RGSL1: variants seen among roughly 807,000 people sequenced by gnomAD.
RGSL1 encodes regulator of G protein signaling protein-like.
A neutral mutation model predicts 124.7 loss-of-function variants in RGSL1; 97 were observed. The observed-to-expected ratio is 0.78, with a 90% CI of 0.66 to 0.92. The LOEUF (loss-of-function observed/expected upper bound fraction) is 0.92. Ranked by LOEUF, RGSL1 falls within the 40% of genes least tolerant of loss-of-function variation. RGSL1 has a pLI of 0.00. For missense variants in RGSL1, 1,233 were observed against 1,288.4 expected, an observed-to-expected ratio of 0.96 and a Z score of 0.66; for synonymous variants, 424 against 438.1, an observed-to-expected ratio of 0.97 and a Z score of 0.40.
At chr1:182,454,586 ATGTGTG>A (rs68163917) in intron 2 of RGSL1, among the ~76,000 whole-genome samples, 11,136 of 144,244 alleles carry the variant, frequency 0.077, 690 homozygotes, top group East Asian at 0.25. Flanking sequence ...CTTGAGTTGT[ATGTGTG>A]TGTGTGTGTG....
intron 9 of RGSL1, among the ~76,000 whole-genome samples, chr1:182,516,875 G>C (rs553169084): frequency 1.3e-5 from 2 of 152,128 alleles, no homozygotes; most frequent in Non-Finnish European, 2.9e-5. Context: ...TGAGTGGGTT[G>C]AACACCATAA....
chr1:182,506,983 C>CTTTTT (rs71127304), intron 9 of RGSL1, among the ~76,000 whole-genome samples: 63 of 99,390 alleles, frequency 6.3e-4, no homozygotes, highest in Middle Eastern at 6.8e-3. Flanking sequence ...GCTCACCTTT[C>CTTTTT]TTTTTTTTTT....
intron 4 of RGSL1, among the ~76,000 whole-genome samples, chr1:182,465,275 T>C (rs1653200362): frequency 6.6e-6 from 1 of 152,114 alleles, no homozygotes; most frequent in Non-Finnish European, 1.5e-5. Context: ...AATGGAATAC[T>C]ATGCAGCCAT....
At chr1:182,451,143 CAAA>C (rs569488586) in intron 1 of RGSL1, among the ~76,000 whole-genome samples, 16 of 105,030 alleles carry the variant, frequency 1.5e-4, no homozygotes, top group Admixed American at 4.6e-4. Flanking sequence ...GAGACTTTGG[CAAA>C]AAAAAAAAAA....
intron 6 of RGSL1, among the ~76,000 whole-genome samples, chr1:182,475,770 G>C (rs952226196): frequency 6.6e-6 from 1 of 152,182 alleles, no homozygotes; most frequent in African/African-American, 2.4e-5. Flanking sequence ...GCGCATACAG[G>C]TTAATCTTCC....
chr1:182,549,183 G>C (rs1189317051), intron 17 of RGSL1: 4 of 196,530 alleles, frequency 2.0e-5, no homozygotes, highest in Non-Finnish European at 4.2e-5. Context: ...TAACACAACT[G>C]CTTGTGCTTA....
intron 9 of RGSL1, among the ~76,000 whole-genome samples, chr1:182,497,940 G>C (rs1053712949): frequency 6.6e-6 from 1 of 152,058 alleles, no homozygotes; most frequent in Non-Finnish European, 1.5e-5. Context: ...TCTCCAGGCT[G>C]TTTTTGAACT....
rs1220854024 is a variant in RGSL1 at position 182,548,841 on chromosome 1, A to C, written c.2933+17A>C. The C allele has an allele frequency of 8.4e-6, 13 of 1,551,070 alleles. No homozygotes were observed. Among genetic ancestry groups the C allele is most frequent in the Middle Eastern group, 1.7e-4 (1 of 6,010 alleles). On this transcript the variant is annotated intron_variant, in intron 17 of 21. Coordinates refer to ENST00000294854, the MANE Select transcript of RGSL1 (RefSeq NM_001137669.2). Reference sequence around the variant, plus strand: ...CTGGAAAAGGTAACTGTTTCTCCTTATTCAGTGACTGTTAGGTCAGGAAAA... The same window carrying C: ...CTGGAAAAGGTAACTGTTTCTCCTTCTTCAGTGACTGTTAGGTCAGGAAAA...
chr1:182,538,503 G>A (rs1659688482), intron 14 of RGSL1, among the ~76,000 whole-genome samples: 1 of 151,728 alleles, frequency 6.6e-6, no homozygotes, highest in Admixed American at 6.6e-5. Flanking sequence ...ACTCCAGCCT[G>A]GACAACAGAG....
chr1:182,492,597 C>A (rs2102110399), intron 8 of RGSL1, among the ~76,000 whole-genome samples: 1 of 151,278 alleles, frequency 6.6e-6, no homozygotes, highest in Admixed American at 6.6e-5. Context: ...GTAAACATCC[C>A]ATTAAAACAC....
intron 1 of RGSL1, among the ~76,000 whole-genome samples, chr1:182,451,309 T>C (rs1414065682): frequency 8.4e-6 from 1 of 118,930 alleles, no homozygotes; most frequent in African/African-American, 2.7e-5. Flanking sequence ...AAGACAGATA[T>C]ATCGATGGAT....
In RGSL1 at chr1:182,488,973, C is replaced by T. The variant is rs796631010; in HGVS notation, c.1495-7C>T. The T allele has an allele frequency of 1.9e-6, 3 of 1,548,920 alleles. No individual in the cohort carries two copies. Among genetic ancestry groups the T allele is most frequent in the Non-Finnish European group, 2.6e-6 (3 of 1,146,156 alleles). On this transcript the variant is annotated splice_polypyrimidine_tract_variant and splice_region_variant and intron_variant, in intron 7 of 21. Transcript: ENST00000294854. The stretch of plus-strand genomic sequence containing the variant: ...AATGCCATCTTCCCCTCACCCTCTT[C>T]TCTTAGACACAGAACAGGTTCATCA...
chr1:182,531,298 G>T (rs184902973), intron 13 of RGSL1, among the ~76,000 whole-genome samples: 38 of 152,300 alleles, frequency 2.5e-4, no homozygotes, highest in African/African-American at 8.7e-4. Flanking sequence ...CAAGTGTCTT[G>T]CAGACAAACA....
In RGSL1 at chr1:182,457,230, G is replaced by C. The variant is rs115353216; in HGVS notation, c.97-1089G>C. Among the ~76,000 whole-genome samples, 639 of 152,258 alleles carry C rather than the reference G, an allele frequency of 4.2e-3. 4 individuals are homozygous for C. The highest frequency in any genetic ancestry group is 0.015 in the African/African-American group (617 of 41,538). On this transcript the variant is annotated intron_variant, in intron 2 of 21. Transcript: ENST00000294854. ...TAGGGCGGTTCTAGGAGCTGACCAG[G>C]TCTGCTGGCTCCAGGCCTGATGTGT...
At chr1:182,530,947 C>A in intron 13 of RGSL1, 37 bp downstream of exon 13, 3 of 1,528,952 alleles carry the variant, frequency 2.0e-6, no homozygotes, top group South Asian at 1.2e-5. Context: ...ACATTAGAGA[C>A]AAGAAAACCA....
chr1:182,511,057 T>TATAGTTTC (rs1179609418), intron 9 of RGSL1, among the ~76,000 whole-genome samples: 1 of 152,208 alleles, frequency 6.6e-6, no homozygotes, highest in Admixed American at 6.5e-5. Flanking sequence ...CTAATAGTTT[T>TATAGTTTC]ATAGTTTCAG....
rs1457202739 is a variant in RGSL1 at position 182,553,438 on chromosome 1, T to G, written c.3044-17T>G. 2.6e-6 allele frequency: 4 copies of G among 1,549,264 alleles called. No homozygotes were observed. Among genetic ancestry groups the G allele is most frequent in the African/African-American group, 2.7e-5 (2 of 72,980 alleles). On this transcript the variant is annotated splice_polypyrimidine_tract_variant and intron_variant, in intron 18 of 21. Coordinates refer to ENST00000294854, the MANE Select transcript of RGSL1 (RefSeq NM_001137669.2). ...TTGTCGCAGGTGTTTTTAATGCTTG[T>G]TTTTGTCCTTCCCCAGGAGACAATG... is the stretch of plus-strand genomic sequence containing the variant.
intron 2 of RGSL1, among the ~76,000 whole-genome samples, chr1:182,454,753 A>G (rs74128926): frequency 0.038 from 5,853 of 152,190 alleles, 308 homozygotes; most frequent in African/African-American, 0.12. Flanking sequence ...AAACCTATCT[A>G]TTTCCTTAAT....
chr1:182,509,883 G>A (rs1384711249), intron 9 of RGSL1, among the ~76,000 whole-genome samples: 1 of 142,284 alleles, frequency 7.0e-6, no homozygotes, highest in African/African-American at 2.7e-5. Context: ...CTTCCCAGAT[G>A]GGGTGGCTGC....
Sources: gnomAD v4.1 joint callset for allele counts (sites outside exome capture counted in the v4.1 genomes callset) on GRCh38, gnomAD v4.1.1 for gene constraint, MANE v1.5 for transcripts, NCBI Gene and HGNC (gene_info 2026-07-23, HGNC 2026-07-21) for gene names.